The following BCL11A variants were observed in gnomAD, a reference collection of about 807,000 sequenced individuals.
BCL11A encodes BCL11 transcription factor A, also known as B cell CLL/lymphoma 11A.
BCL11A carries 2 observed loss-of-function variants against 55.9 expected under a neutral mutation model. That is an observed-to-expected ratio of 0.04 (90% confidence interval 0.01 to 0.11). The LOEUF is 0.11. Ranked by LOEUF, BCL11A falls within the 10% of genes least tolerant of loss-of-function variation. The probability of loss-of-function intolerance (pLI) is 1.00; values close to 1 mark genes in which losing one functional copy is unlikely to be tolerated. For synonymous variants in BCL11A, 465 were observed against 473.4 expected (o/e 0.98, Z 0.23); for missense variants, 817 against 1,137.1 (o/e 0.72, Z 4.05).
At position 60,514,886 on chromosome 2, in the gene BCL11A, AG is replaced by A. The variant is rs1308562612; in HGVS notation, c.385+31084del. On this transcript the variant is annotated intron_variant, in intron 2 of 3. Transcript: ENST00000642384. ...AAACAGAAAAAAGAAAAAAAAAAAAAGAAAAGAGAGACAGAGAGAGAGAGAG... is the reference window on the plus strand; with the variant it reads ...AAACAGAAAAAAGAAAAAAAAAAAAAAAAAGAGAGACAGAGAGAGAGAGAG... Among the ~76,000 whole-genome samples, 14 of 151,342 alleles carry A rather than the reference AG, an allele frequency of 9.3e-5. No homozygotes were observed. The South Asian group carries it at 2.9e-3, about 32-fold the overall frequency.
intron 2 of BCL11A, chr2:60,527,560 TC>T (rs1284593502): frequency 1.3e-5 from 2 of 152,380 alleles, no homozygotes; most frequent in Non-Finnish European, 2.9e-5. Flanking sequence ...GCCACCTCCA[TC>T]CCACCTCAAA....
In BCL11A at chr2:60,461,132, A is replaced by C. The variant is rs1432239247; in HGVS notation, c.1780T>G (p.Ser594Ala). 6.2e-7 allele frequency: 1 copy of C among 1,611,000 alleles called. No homozygotes were observed. Among genetic ancestry groups the C allele is most frequent in the Non-Finnish European group, 8.5e-7 (1 of 1,179,276 alleles). The change falls in exon 4 of 4, where the codon TCG becomes GCG. Residue 594 changes from serine to alanine, a missense_variant. Physicochemically the swap from Ser to Ala is moderately conservative, Grantham distance 99 (BLOSUM62 1). Transcript: ENST00000642384. ...ACAGTGCCATCGTCTATGCGGTCCG[A>C]CTCGCCGGCCACCGAGTCTTCGTCG... ...TCDEDSVAGESDRIDDGTVNG... is the reference protein window; with the variant it reads ...TCDEDSVAGEADRIDDGTVNG...
intron 2 of BCL11A, among the ~76,000 whole-genome samples, chr2:60,511,255 C>A (rs1406149245): frequency 6.6e-6 from 1 of 152,220 alleles, no homozygotes; most frequent in Non-Finnish European, 1.5e-5. Flanking sequence ...ATCCCTTCTA[C>A]CTGAGAGCCC....
chr2:60,480,814 GT>G (rs1677905254), intron 2 of BCL11A, among the ~76,000 whole-genome samples: 1 of 152,078 alleles, frequency 6.6e-6, no homozygotes, highest in South Asian at 2.1e-4. Context: ...CTCTCAATTT[GT>G]TTTAGCAATC....
intron 2 of BCL11A, among the ~76,000 whole-genome samples, chr2:60,494,468 G>A (rs1293968498): frequency 1.3e-5 from 2 of 152,176 alleles, no homozygotes; most frequent in Non-Finnish European, 2.9e-5. Context: ...GAGAAGAGTG[G>A]AAACGGCCCA....
intron 2 of BCL11A, among the ~76,000 whole-genome samples, chr2:60,508,222 A>T (rs940598649): frequency 1.3e-5 from 2 of 152,166 alleles, no homozygotes; most frequent in Non-Finnish European, 2.9e-5. Context: ...AACAACAACA[A>T]CAACAACAAA....
intron 2 of BCL11A, among the ~76,000 whole-genome samples, chr2:60,478,953 C>G (rs780487220): frequency 2.0e-5 from 3 of 148,956 alleles, no homozygotes; most frequent in Non-Finnish European, 3.0e-5. Flanking sequence ...TTGGCTTTGA[C>G]GTGCTTTGTT....
chr2:60,493,771 T>C (rs1305888382), intron 2 of BCL11A, among the ~76,000 whole-genome samples: 2 of 152,086 alleles, frequency 1.3e-5, no homozygotes, highest in African/African-American at 2.4e-5. Context: ...CACACAACAC[T>C]CCAGGGAGGC....
At chr2:60,463,859 AAAG>A (rs1213081978) in intron 3 of BCL11A, among the ~76,000 whole-genome samples, 1 of 152,146 alleles carries the variant, frequency 6.6e-6, no homozygotes. Flanking sequence ...CCTTCTTTTA[AAAG>A]AAGGGCTGCA....
rs112669214 is a variant in BCL11A at position 60,470,934 on chromosome 2, T to A, written c.386-2101A>T. On this transcript the variant is annotated intron_variant, in intron 2 of 3. Coordinates refer to ENST00000642384, the MANE Select transcript of BCL11A (RefSeq NM_022893.4). ...ACTTGCCCATGGCTACACTGATGAT[T>A]AACCACAATGTGAAGATTAGAATTA... is the stretch of plus-strand genomic sequence containing the variant. 2.3e-3 allele frequency among the ~76,000 whole-genome samples: 344 copies of A among 152,324 alleles called. 1 individual carries two copies. Among genetic ancestry groups the A allele is most frequent in the African/African-American group, 7.8e-3 (325 of 41,564 alleles).
At chr2:60,553,053 GT>G (rs1206229168) in intron 1 of BCL11A, among the ~76,000 whole-genome samples, 162 bp downstream of exon 1, 2 of 151,470 alleles carry the variant, frequency 1.3e-5, no homozygotes, top group African/African-American at 4.9e-5. Context: ...TGGGATGAGG[GT>G]TTTTTCCCCC....
chr2:60,511,550 T>C (rs1224893811), intron 2 of BCL11A, among the ~76,000 whole-genome samples: 2 of 152,212 alleles, frequency 1.3e-5, no homozygotes, highest in Non-Finnish European at 2.9e-5. Flanking sequence ...TTTTCCTTCT[T>C]CTTTTTTGGG....
rs1199326160 is a variant in BCL11A at position 60,546,621 on chromosome 2, A to G, written c.56-321T>C. Among the ~76,000 whole-genome samples the G allele has an allele frequency of 6.6e-6, 1 of 152,208 alleles. No homozygotes were observed. Among genetic ancestry groups the G allele is most frequent in the African/African-American group, 2.4e-5 (1 of 41,466 alleles). The stretch of plus-strand genomic sequence containing the variant: ...AATGTGTCTGGTTTGTAAGTTTAGA[A>G]AGAATGCTACTTAAATAGTTAACAC... On this transcript the variant is annotated intron_variant, in intron 1 of 3. Transcript: ENST00000642384. The surrounding 1 kb of genome is among the most constrained non-coding windows in gnomAD (Gnocchi z 4.1).
At chr2:60,517,787 G>A (rs533233333) in intron 2 of BCL11A, among the ~76,000 whole-genome samples, 14 of 152,206 alleles carry the variant, frequency 9.2e-5, no homozygotes, top group Non-Finnish European at 2.1e-4. Context: ...TAAAATGACA[G>A]GGTTAATGAT....
intron 2 of BCL11A, among the ~76,000 whole-genome samples, chr2:60,518,623 C>T (rs1668839765): frequency 6.6e-6 from 1 of 152,110 alleles, no homozygotes; most frequent in African/African-American, 2.4e-5. Context: ...TCACCACACA[C>T]CAGAGAGGGC....
intron 2 of BCL11A, among the ~76,000 whole-genome samples, chr2:60,499,242 T>A (rs1225374865): frequency 6.6e-6 from 1 of 151,674 alleles, no homozygotes; most frequent in African/African-American, 2.4e-5. Context: ...GCAAGGCGAG[T>A]GGATAGCGCC....
In BCL11A at chr2:60,457,285, T is replaced by C; in HGVS notation, c.*3119A>G. On this transcript the variant is annotated 3_prime_UTR_variant, in exon 4 of 4. Transcript: ENST00000642384. The stretch of plus-strand genomic sequence containing the variant: ...ACAACTGCCAAAAAAACACAGACAG[T>C]GGTTTTTCCAATAGAACTTAACAAA... The C allele has an allele frequency of 9.8e-7, 1 of 1,017,432 alleles. No homozygotes were observed. The highest frequency in any genetic ancestry group is 1.2e-6 in the Non-Finnish European group (1 of 848,606). The allele number at this position is 1,017,432 out of a possible 1,614,324, so 63.0% of individuals were successfully genotyped here.
chr2:60,473,267 G>A (rs1677319513), intron 2 of BCL11A, among the ~76,000 whole-genome samples: 1 of 150,190 alleles, frequency 6.7e-6, no homozygotes, highest in Admixed American at 6.6e-5. Flanking sequence ...AGTGAGACAG[G>A]CACAAAAGCA....
chr2:60,490,352 G>A (rs1236050618), intron 2 of BCL11A, among the ~76,000 whole-genome samples: 1 of 152,108 alleles, frequency 6.6e-6, no homozygotes, highest in Admixed American at 6.5e-5. Flanking sequence ...ATAGGATATG[G>A]TCCAACTCCT....
Sources: allele counts gnomAD v4.1 joint callset (sites outside exome capture counted in the v4.1 genomes callset), GRCh38; gene constraint gnomAD v4.1.1; non-coding constraint Gnocchi (gnomAD v3.1); transcripts MANE v1.5; gene names NCBI Gene and HGNC (gene_info 2026-07-23, HGNC 2026-07-21).